The following RPS6KC1 variants were observed in gnomAD, a reference collection of about 807,000 sequenced individuals.
RPS6KC1 encodes the protein ribosomal protein S6 kinase C1.
A neutral mutation model predicts 103.8 loss-of-function variants in RPS6KC1; 54 were observed. The ratio of observed to expected loss-of-function variants is 0.52; its 90% confidence interval spans 0.42 to 0.65. The LOEUF is 0.65. RPS6KC1 is among the 30% of genes least tolerant of loss of function. The pLI is 0.00. For synonymous variants in RPS6KC1, 439 were observed against 438.7 expected (o/e 1.00, Z -0.01); for missense variants, 1,151 against 1,253.8 (o/e 0.92, Z 1.24).
chr1:213,143,683 A>G (rs1469241243), intron 6 of RPS6KC1, among the ~76,000 whole-genome samples: 1 of 151,914 alleles, frequency 6.6e-6, no homozygotes, highest in Non-Finnish European at 1.5e-5. Context: ...TTTAAATCTC[A>G]TTTTATTAGT....
At chr1:213,421,727 C>T in the RPS6KC1 span, among the ~76,000 whole-genome samples, 44 of 152,296 alleles carry the variant, frequency 2.9e-4, no homozygotes, top group East Asian at 5.8e-3. Context: ...GTGGTACCTG[C>T]TACGTGGTAG....
At chr1:213,231,921 TCTTC>T (rs1476401962) in intron 9 of RPS6KC1, among the ~76,000 whole-genome samples, 198 bp from the exon 10 acceptor site, 1 of 152,220 alleles carries the variant, frequency 6.6e-6, no homozygotes, top group Non-Finnish European at 1.5e-5. Flanking sequence ...CTTTGTGGCA[TCTTC>T]CTTCTCTGGA....
At chr1:213,345,942 T>G in the RPS6KC1 span, among the ~76,000 whole-genome samples, 1 of 152,226 alleles carries the variant, frequency 6.6e-6, no homozygotes, top group Non-Finnish European at 1.5e-5. Context: ...GTCTAGTGCC[T>G]TCAATTTTTT....
intron 3 of RPS6KC1, among the ~76,000 whole-genome samples, chr1:213,082,542 G>A (rs1231859602): frequency 6.6e-6 from 1 of 152,180 alleles, no homozygotes; most frequent in Non-Finnish European, 1.5e-5. Context: ...GGAAACTGGA[G>A]GGAAGATCCC....
the RPS6KC1 span, among the ~76,000 whole-genome samples, chr1:213,462,742 G>T: frequency 1.3e-5 from 2 of 152,312 alleles, no homozygotes; most frequent in Non-Finnish European, 2.9e-5. Context: ...ACACACTGGG[G>T]CCTGTTGGCG....
At chr1:213,442,818 A>G in the RPS6KC1 span, among the ~76,000 whole-genome samples, 1 of 152,070 alleles carries the variant, frequency 6.6e-6, no homozygotes, top group Admixed American at 6.5e-5. Context: ...GTGTTCCTAC[A>G]TGGCCTTGTC....
the RPS6KC1 span, among the ~76,000 whole-genome samples, chr1:213,670,994 G>A: frequency 1.3e-5 from 2 of 152,166 alleles, no homozygotes; most frequent in African/African-American, 4.8e-5. Flanking sequence ...ATGGGTGGGG[G>A]ATTTGCTCTG....
chr1:213,661,347 G>C, the RPS6KC1 span, among the ~76,000 whole-genome samples: 1 of 152,154 alleles, frequency 6.6e-6, no homozygotes, highest in African/African-American at 2.4e-5. Context: ...CTGTGTGCTG[G>C]GGCGATCTTG....
intron 6 of RPS6KC1, among the ~76,000 whole-genome samples, chr1:213,131,707 G>A (rs972406268): frequency 3.9e-5 from 6 of 152,216 alleles, no homozygotes; most frequent in Non-Finnish European, 8.8e-5. Flanking sequence ...GCCTCCCACA[G>A]TGCTGGGATT....
At chr1:213,767,067 T>C in the RPS6KC1 span, among the ~76,000 whole-genome samples, 4 of 152,230 alleles carry the variant, frequency 2.6e-5, no homozygotes, top group Non-Finnish European at 4.4e-5. Context: ...ACTCCTGTGA[T>C]TCTAATCCAG....
the RPS6KC1 span, among the ~76,000 whole-genome samples, chr1:213,727,601 C>A: frequency 6.6e-6 from 1 of 152,004 alleles, no homozygotes; most frequent in East Asian, 1.9e-4. Flanking sequence ...TATTGATAGG[C>A]CAGGAAGATA....
intron 1 of RPS6KC1, among the ~76,000 whole-genome samples, chr1:213,055,856 G>A (rs2077292728): frequency 6.6e-6 from 1 of 152,190 alleles, no homozygotes; most frequent in Admixed American, 6.5e-5. Flanking sequence ...TTCAGTATGA[G>A]CAGTGCTTTG....
chr1:213,251,355 C>T (rs1026561728), intron 12 of RPS6KC1, among the ~76,000 whole-genome samples: 3 of 152,312 alleles, frequency 2.0e-5, no homozygotes, highest in East Asian at 3.9e-4. Flanking sequence ...ATCCACCTGC[C>T]TGGTCCTCTC....
chr1:213,673,832 TA>T, the RPS6KC1 span, among the ~76,000 whole-genome samples: 1 of 152,236 alleles, frequency 6.6e-6, no homozygotes, highest in African/African-American at 2.4e-5. Flanking sequence ...CTTTCTTTTT[TA>T]GTCATTTCAA....
chr1:213,824,414 T>C, the RPS6KC1 span, among the ~76,000 whole-genome samples: 3 of 152,110 alleles, frequency 2.0e-5, no homozygotes, highest in Non-Finnish European at 4.4e-5. Flanking sequence ...TGCCCCCAGT[T>C]CTCAACCCCC....
chr1:213,317,581 G>A, the RPS6KC1 span, among the ~76,000 whole-genome samples: 2 of 152,172 alleles, frequency 1.3e-5, no homozygotes, highest in South Asian at 2.1e-4. Context: ...CACATTAGGG[G>A]TGGGGCATCA....
chr1:213,443,519 A>G, the RPS6KC1 span, among the ~76,000 whole-genome samples: 1 of 152,048 alleles, frequency 6.6e-6, no homozygotes, highest in Non-Finnish European at 1.5e-5. Flanking sequence ...AAGACCATGT[A>G]TTTTGTCTAT....
chr1:213,540,872 G>A, the RPS6KC1 span, among the ~76,000 whole-genome samples: 2 of 151,988 alleles, frequency 1.3e-5, no homozygotes, highest in African/African-American at 2.4e-5. Context: ...AACATTCCTA[G>A]CATCTTAACC....
At position 213,167,842 on chromosome 1, in the gene RPS6KC1, A is replaced by G. The variant is rs752252959; in HGVS notation, c.836-16A>G. 9.6e-6 allele frequency: 15 copies of G among 1,569,832 alleles called. No individual in the cohort carries two copies. Among genetic ancestry groups the G allele is most frequent in the Non-Finnish European group, 1.2e-5 (14 of 1,149,926 alleles). On this transcript the variant is annotated splice_polypyrimidine_tract_variant and intron_variant, in intron 6 of 14. Transcript: ENST00000366960. ...AGGAAAATTTATTTTTTACATGTCC[A>G]GACTTTTTTTTTTAGGAGAGTCAAG...
Sources: gnomAD v4.1 joint callset for allele counts (sites outside exome capture counted in the v4.1 genomes callset) on GRCh38, gnomAD v4.1.1 for gene constraint, MANE v1.5 for transcripts, NCBI Gene and HGNC (gene_info 2026-07-23, HGNC 2026-07-21) for gene names.